The following ANK2 variants were observed in gnomAD, a reference collection of about 807,000 sequenced individuals.
ANK2 encodes ankyrin 2.
Under a neutral mutation model 360.5 loss-of-function variants are expected in ANK2, and 83 were observed. The ratio of observed to expected loss-of-function variants is 0.23; its 90% CI spans 0.19 to 0.28. The LOEUF (loss-of-function observed/expected upper bound fraction) is 0.28, where lower values mean the gene tolerates loss of function less well. ANK2 is among the 10% of genes least tolerant of loss of function. ANK2 has a pLI of 1.00. For synonymous variants in ANK2, 1,740 were observed against 1,759.5 expected, an observed-to-expected ratio of 0.99 and a Z score of 0.28; for missense variants, 4,201 against 4,795.7, an observed-to-expected ratio of 0.88 and a Z score of 3.66.
intron 2 of ANK2, among the ~76,000 whole-genome samples, chr4:113,178,406 C>G (rs1333343035): frequency 2.0e-5 from 3 of 151,974 alleles, no homozygotes; most frequent in African/African-American, 4.8e-5. Context: ...CCCGTCTCTA[C>G]TAAAGATACA....
At chr4:113,270,943 A>G (rs904249170) in intron 14 of ANK2, among the ~76,000 whole-genome samples, 23 of 152,188 alleles carry the variant, frequency 1.5e-4, no homozygotes, top group Admixed American at 1.2e-3. Flanking sequence ...TAACATTTGA[A>G]CAGTGCTTTA....
rs768427721 is a variant in ANK2 at position 113,332,001 on chromosome 4, C to G, written c.3155C>G (p.Pro1052Arg). 1.4e-5 allele frequency: 22 copies of G among 1,614,178 alleles called. No individual in the cohort carries two copies. Among genetic ancestry groups the G allele is most frequent in the Non-Finnish European group, 1.9e-5 (22 of 1,180,034 alleles). Residue 1052 changes from proline (P) to arginine (R), a missense_variant, in exon 28 of 46, where the codon CCA becomes CGA. Pro to Arg is a moderately radical substitution (Grantham distance 103, BLOSUM62 -2). Coordinates refer to ENST00000357077, the MANE Select transcript of ANK2 (RefSeq NM_001148.6). Reference protein sequence around the residue: ...GKLHLPTAPPPLNEGESLVSR... With the variant: ...GKLHLPTAPPRLNEGESLVSR... Reference sequence around the variant, plus strand: ...CTTCACCTGCCAACGGCTCCTCCCCCACTTAATGAGGGAGAAAGTTTGGTC... The same window carrying G: ...CTTCACCTGCCAACGGCTCCTCCCCGACTTAATGAGGGAGAAAGTTTGGTC...
intron 13 of ANK2, among the ~76,000 whole-genome samples, chr4:113,259,812 CTT>C (rs772674741): frequency 4.7e-5 from 5 of 106,594 alleles, no homozygotes; most frequent in Non-Finnish European, 9.8e-5. Context: ...CTTTTTTTTT[CTT>C]TTTTTTTTTT....
the ANK2 span, among the ~76,000 whole-genome samples, chr4:112,728,292 C>CAAAAAAAAAAAAAAAAA: frequency 5.0e-4 from 20 of 40,136 alleles, no homozygotes; most frequent in East Asian, 2.1e-3. Flanking sequence ...GACTCTGTCT[C>CAAAAAAAAAAAAAAAAA]AAAAAAAAAA....
chr4:112,955,917 T>A (rs1328181841), intron 2 of ANK2, among the ~76,000 whole-genome samples: 1 of 152,212 alleles, frequency 6.6e-6, no homozygotes, highest in African/African-American at 2.4e-5. Context: ...AATCACCTAC[T>A]ATGTGCCAGT....
At chr4:113,005,251 GA>G (rs145338859) in intron 2 of ANK2, among the ~76,000 whole-genome samples, 18,240 of 150,356 alleles carry the variant, frequency 0.12, 1,538 homozygotes, top group East Asian at 0.39. Flanking sequence ...GTATCCAAAG[GA>G]AAAAAAAATC....
chr4:112,764,201 C>T, the ANK2 span, among the ~76,000 whole-genome samples: 1 of 151,980 alleles, frequency 6.6e-6, no homozygotes, highest in Non-Finnish European at 1.5e-5. Flanking sequence ...CATCGGCCTC[C>T]TAAAGTGTTG....
intron 1 of ANK2, among the ~76,000 whole-genome samples, chr4:113,157,308 T>C (rs1466241565): frequency 6.6e-6 from 1 of 152,200 alleles, no homozygotes; most frequent in Non-Finnish European, 1.5e-5. Flanking sequence ...CTCAGGGAGA[T>C]ATGTCAATAT....
At chr4:113,189,212 T>C (rs1243194279) in intron 2 of ANK2, among the ~76,000 whole-genome samples, 1 of 152,160 alleles carries the variant, frequency 6.6e-6, no homozygotes, top group Non-Finnish European at 1.5e-5. Flanking sequence ...ACACCATTTA[T>C]AGGAATTATT....
At chr4:112,952,018 T>C (rs73840952) in intron 2 of ANK2, among the ~76,000 whole-genome samples, 4,293 of 152,290 alleles carry the variant, frequency 0.028, 103 homozygotes, top group African/African-American at 0.067. Flanking sequence ...TTCTCACCAT[T>C]GTACAAATTA....
intron 1 of ANK2, among the ~76,000 whole-genome samples, chr4:113,152,065 C>CA (rs1232657248): frequency 1.0e-3 from 65 of 62,092 alleles, no homozygotes; most frequent in East Asian, 7.1e-3. Context: ...GTCTCTGTCT[C>CA]AAAAAAAAAA....
chr4:113,271,185 G>A (rs1314762333), intron 14 of ANK2, among the ~76,000 whole-genome samples: 3 of 152,106 alleles, frequency 2.0e-5, no homozygotes, highest in East Asian at 1.9e-4. Context: ...CCTCCCATCC[G>A]AACAAACCAC....
rs777302517 is a variant in ANK2, at chr4:113,317,774, G to A, written c.2761G>A (p.Val921Met). Residue 921 changes from valine (V) to methionine (M), a missense_variant, in exon 25 of 46, where the codon GTG (valine) becomes ATG (methionine). By Grantham distance (21) the Val-to-Met change is conservative (BLOSUM62 1). Coordinates refer to ENST00000357077, the MANE Select transcript of ANK2 (RefSeq NM_001148.6). ...SHASYLRDSA[V>M]MDDSVVIPSH... ...TGCCTCCTACCTGAGGGACAGTGCC[G>A]TGATGGATGACTCAGTTGTGATTCC... The A allele has an allele frequency of 2.7e-5, 43 of 1,613,968 alleles. No individual in the cohort carries two copies. The highest frequency in any genetic ancestry group is 3.1e-5 in the Non-Finnish European group (36 of 1,179,980).
intron 1 of ANK2, among the ~76,000 whole-genome samples, chr4:113,100,242 G>A (rs1488839701): frequency 6.6e-6 from 1 of 152,026 alleles, no homozygotes; most frequent in Non-Finnish European, 1.5e-5. Flanking sequence ...ATAAATTGTA[G>A]CCATTATATA....
chr4:113,201,501 G>T (rs1192614990), intron 4 of ANK2, among the ~76,000 whole-genome samples: 1 of 152,168 alleles, frequency 6.6e-6, no homozygotes, highest in Non-Finnish European at 1.5e-5. Flanking sequence ...TCAACTACAT[G>T]ACTGAATCAA....
intron 10 of ANK2, 116 bp from the exon 11 acceptor site, chr4:113,255,618 TA>T: frequency 9.9e-7 from 1 of 1,013,826 alleles, no homozygotes; most frequent in East Asian, 2.5e-5. Context: ...AAATGGAAAT[TA>T]TTTTTTCCCC....
At chr4:112,765,457 C>G in the ANK2 span, among the ~76,000 whole-genome samples, 1 of 152,120 alleles carries the variant, frequency 6.6e-6, no homozygotes, top group Non-Finnish European at 1.5e-5. Context: ...GATCAAAGCT[C>G]TATTTCACTG....
At chr4:112,951,238 G>A (rs1581765269) in intron 2 of ANK2, among the ~76,000 whole-genome samples, 2 of 152,226 alleles carry the variant, frequency 1.3e-5, no homozygotes, top group East Asian at 3.9e-4. Flanking sequence ...TAGCAAATGA[G>A]ATGTTCATTG....
chr4:113,308,050 G>T (rs924422318), intron 23 of ANK2, among the ~76,000 whole-genome samples: 15 of 152,154 alleles, frequency 9.9e-5, no homozygotes, highest in African/African-American at 3.4e-4. Flanking sequence ...AAAAACTAAA[G>T]GTTGCTTTTA....
Sources: allele counts gnomAD v4.1 joint callset (sites outside exome capture counted in the v4.1 genomes callset), GRCh38; gene constraint gnomAD v4.1.1; transcripts MANE v1.5; gene names NCBI Gene and HGNC (gene_info 2026-07-23, HGNC 2026-07-21).